Variants in STXBP2 observed in about 807,000 individuals in gnomAD.
The protein encoded by STXBP2 is syntaxin-binding protein 2.
Under a neutral mutation model 72.2 loss-of-function variants are expected in STXBP2, and 47 were observed. The observed-to-expected ratio is 0.65, with a 90% CI of 0.51 to 0.83. The LOEUF (loss-of-function observed/expected upper bound fraction) is 0.83. STXBP2 is among the 40% of genes least tolerant of loss of function. The probability of loss-of-function intolerance (pLI) is 0.00; values close to 1 mark genes in which losing one functional copy is unlikely to be tolerated. For missense variants in STXBP2, 702 were observed against 807.6 expected (o/e 0.87, Z 1.58); for synonymous variants, 367 against 338.7 (o/e 1.08, Z -0.92).
At chr19:7,639,664 C>G in intron 3 of STXBP2, 67 bp from the exon 4 acceptor site, 1 of 1,501,066 alleles carries the variant, frequency 6.7e-7, no homozygotes, top group South Asian at 1.2e-5. Context: ...ACCCCCCACA[C>G]CTGAGACTCC....
intron 13 of STXBP2, 136 bp from the exon 14 acceptor site, chr19:7,644,478 T>TGA: frequency 8.1e-7 from 1 of 1,235,452 alleles, no homozygotes; most frequent in East Asian, 2.5e-5. Context: ...GGTGGGACCT[T>TGA]GAGAGACCTG....
At position 7,642,467 on chromosome 19, in the gene STXBP2, C is replaced by T; in HGVS notation, c.833C>T (p.Ala278Val). 1 of 1,614,064 alleles carries T rather than the reference C, an allele frequency of 6.2e-7. No homozygotes were observed. The highest frequency in any genetic ancestry group is 1.1e-5 in the South Asian group (1 of 91,090). The change falls in exon 10 of 19, where the codon GCC becomes GTC. Residue 278 changes from alanine to valine, a missense_variant. By Grantham distance (64) the Ala-to-Val change is moderately conservative. Transcript: ENST00000221283. This position sits in a 1 kb window ranked among gnomAD's most constrained non-coding sequence, Gnocchi z 6.0. The part of the protein sequence containing the change: ...TTGLSEAREK[A>V]VLLDEDDDLW... ...GGGCTGAGCGAGGCGCGGGAGAAGG[C>T]CGTCTTGCTGGACGAGGACGATGAC...
At chr19:7,647,029 C>T (rs2032161712) in intron 16 of STXBP2, 133 bp from the exon 17 acceptor site, 1 of 877,018 alleles carries the variant, frequency 1.1e-6, no homozygotes, top group South Asian at 1.5e-5. Flanking sequence ...CTCCTGGGTC[C>T]CCCAGAGGCA....
chr19:7,631,535 C>A, the STXBP2 span: 9 of 1,535,680 alleles, frequency 5.9e-6, no homozygotes, highest in East Asian at 2.4e-5. Flanking sequence ...AGCTCCTTCG[C>A]GACGCCCAGC....
rs766844515 is a variant in STXBP2, at chr19:7,647,228, A to G, written c.1519A>G (p.Ser507Gly). 1 of 1,611,364 alleles carries G rather than the reference A, an allele frequency of 6.2e-7. No homozygotes were observed. Residue 507 changes from serine (S) to glycine (G), a missense_variant, in exon 17 of 19, where the codon AGC (serine) becomes GGC (glycine). Transcript: ENST00000221283. ...PFVSDPAPTA[S>G]SQAAVSARFG... Reference sequence around the variant, plus strand: ...CGTATCCGACCCCGCCCCCACGGCCAGCTCCCAGGCCGCTGTCAGGTGAGG... The same window carrying G: ...CGTATCCGACCCCGCCCCCACGGCCGGCTCCCAGGCCGCTGTCAGGTGAGG...
Position 7,642,451 on chromosome 19 carries a change from G to C in STXBP2, c.817G>C (p.Glu273Gln), listed in dbSNP as rs765370350. ...CAGGTATGAGACCACCGGGCTGAGC[G>C]AGGCGCGGGAGAAGGCCGTCTTGCT... ...TYRYETTGLS[E>Q]AREKAVLLDE... The change falls in exon 10 of 19, where the codon GAG (glutamate) becomes CAG (glutamine). Residue 273 changes from glutamate to glutamine, a missense_variant. By Grantham distance (29) the Glu-to-Gln change is conservative (BLOSUM62 2). Transcript: ENST00000221283. This position sits in a 1 kb window ranked among gnomAD's most constrained non-coding sequence, Gnocchi z 6.0. 1 of 1,613,986 alleles carries C rather than the reference G, an allele frequency of 6.2e-7. No individual in the cohort carries two copies. The highest frequency in any genetic ancestry group is 1.1e-5 in the South Asian group (1 of 91,082).
intron 7 of STXBP2, 65 bp from the exon 8 acceptor site, chr19:7,641,969 C>T: frequency 1.2e-6 from 2 of 1,608,862 alleles, no homozygotes; most frequent in Non-Finnish European, 1.7e-6. Flanking sequence ...CCCTGACTCT[C>T]ACCTTCAAAC....
At chr19:7,630,984 A>C in the STXBP2 span, 1 of 1,113,440 alleles carries the variant, frequency 9.0e-7, no homozygotes, top group Non-Finnish European at 1.3e-6. Context: ...TGAGGTGGGT[A>C]GATCACTTGA....
In STXBP2 at chr19:7,640,252, GCA is replaced by G. The variant is rs770124666; in HGVS notation, c.246+446_246+447del. 3.3e-3 allele frequency: 1,796 copies of G among 548,752 alleles called. 24 individuals are homozygous for G. The highest frequency in any genetic ancestry group is 0.028 in the African/African-American group (1,462 of 52,538). 34.0% of individuals were successfully genotyped at this position (548,752 alleles called of 1,614,324 possible). ...TGTGCGTCTGTGTGTATCTGTGTGT[GCA>G]TGTGTGTATGCGTGTATATGTATGT... On this transcript the variant is annotated intron_variant, in intron 4 of 18. Transcript: ENST00000221283.
In STXBP2 at chr19:7,647,868, C is replaced by T; in HGVS notation, c.*58C>T. On this transcript the variant is annotated 3_prime_UTR_variant, in exon 19 of 19. Transcript: ENST00000221283. ...AGAGAAATAAACTCTTCCCGTCGCT[C>T]TGCCAGCCAGTGCCTACCTCACCTT... is the stretch of plus-strand genomic sequence containing the variant. The T allele has an allele frequency of 6.7e-7, 1 of 1,493,458 alleles. No individual in the cohort carries two copies. Among genetic ancestry groups the T allele is most frequent in the Non-Finnish European group, 9.3e-7 (1 of 1,078,218 alleles). 92.5% of individuals were successfully genotyped at this position (1,493,458 alleles called of 1,614,324 possible). A position where few individuals can be genotyped will look rare whatever the true frequency, so the allele number is the denominator to read the frequency against.
chr19:7,640,220 GTCTGTGTGTGCGTCTGTGTGTA>G (rs753730797), intron 4 of STXBP2: 1 of 538,736 alleles, frequency 1.9e-6, no homozygotes. Context: ...ATGTGTCTGC[GTCTGTGTGTGCGTCTGTGTGTA>G]TCTGTGTGTG....
At chr19:7,633,462 C>T (rs1183556126), upstream of STXBP2, 13 of 1,574,646 alleles carry the variant, frequency 8.3e-6, no homozygotes, top group East Asian at 4.6e-5. Flanking sequence ...CATCATGTCC[C>T]TGGACTCCAG....
upstream of STXBP2, chr19:7,632,697 C>G (rs369017254): frequency 7.1e-6 from 11 of 1,549,930 alleles, no homozygotes; most frequent in Admixed American, 9.6e-5. This position sits in a 1 kb window ranked among gnomAD's most constrained non-coding sequence, Gnocchi z 5.2. Context: ...ATGGACAGCA[C>G]CCCCGTGCCC....
rs774890011 is a variant in STXBP2, at chr19:7,642,086, G to A, written c.631G>A (p.Ala211Thr). 2.8e-5 allele frequency: 45 copies of A among 1,613,970 alleles called. No homozygotes were observed. Among genetic ancestry groups the A allele is most frequent in the Non-Finnish European group, 3.7e-5 (44 of 1,180,018 alleles). The change falls in exon 8 of 19, where the codon GCC (alanine) becomes ACC (threonine). Residue 211 changes from alanine (A) to threonine (T), a missense_variant. By Grantham distance (58) the Ala-to-Thr change is moderately conservative. Transcript: ENST00000221283. This position sits in a 1 kb window ranked among gnomAD's most constrained non-coding sequence, Gnocchi z 6.0. ...CCACGCCGTCCTGGCCAAGCTGAACGCCTTCAAGGCAGACACTCCCAGTCT... is the reference window on the plus strand; with the variant it reads ...CCACGCCGTCCTGGCCAAGCTGAACACCTTCAAGGCAGACACTCCCAGTCT... Reference protein sequence around the residue: ...LAHAVLAKLNAFKADTPSLGE... With the variant: ...LAHAVLAKLNTFKADTPSLGE...
upstream of STXBP2, chr19:7,633,917 GGA>G (rs2031437317): frequency 6.3e-6 from 1 of 159,624 alleles, no homozygotes; most frequent in African/African-American, 2.4e-5. Context: ...AAAGGAGGTT[GGA>G]GTCAAAGGCC....
upstream of STXBP2, chr19:7,632,668 C>A: frequency 6.4e-7 from 1 of 1,553,162 alleles, no homozygotes; most frequent in Non-Finnish European, 8.7e-7. The surrounding 1 kb of genome is among the most constrained non-coding windows in gnomAD (Gnocchi z 5.2). Context: ...GCCCTGCACT[C>A]CCACCCCGTT....
chr19:7,631,203 T>C, the STXBP2 span: 6 of 1,338,570 alleles, frequency 4.5e-6, no homozygotes, highest in Non-Finnish European at 4.9e-6. Context: ...AGTGAGACTT[T>C]GTCTCAAAAA....
chr19:7,641,030 G>C (rs1367359376), intron 6 of STXBP2, 27 bp downstream of exon 6: 1 of 1,611,724 alleles, frequency 6.2e-7, no homozygotes, highest in South Asian at 1.1e-5. Flanking sequence ...TCCTGGGCAG[G>C]GGGTGGGGGT....
chr19:7,640,585 C>T (rs745835023), intron 4 of STXBP2, 146 bp from the exon 5 acceptor site: 50 of 1,021,194 alleles, frequency 4.9e-5, no homozygotes, highest in African/African-American at 1.1e-4. Flanking sequence ...CATGTGGGTG[C>T]GACACTAGTG....
Sources: gnomAD v4.1 joint callset for allele counts on GRCh38, gnomAD v4.1.1 for gene constraint, Gnocchi (gnomAD v3.1) non-coding constraint, MANE v1.5 for transcripts, NCBI Gene and HGNC (gene_info 2026-07-23, HGNC 2026-07-21) for gene names.